Variants in ADIPOR2 observed in about 807,000 individuals in gnomAD.
ADIPOR2 encodes adiponectin receptor protein 2.
Under a neutral mutation model 40.9 loss-of-function variants are expected in ADIPOR2, and 18 were observed. The ratio of observed to expected loss-of-function variants is 0.44; its 90% CI spans 0.30 to 0.65. The LOEUF (loss-of-function observed/expected upper bound fraction) is 0.65. Among genes scored for constraint, ADIPOR2 ranks in the 30% least tolerant of loss-of-function variants. ADIPOR2 has a pLI of 0.09. For synonymous variants in ADIPOR2, 165 were observed against 166.4 expected (o/e 0.99, Z 0.06); for missense variants, 283 against 479.2 (o/e 0.59, Z 3.82).
chr12:1,691,657 T>C (rs1461315514), intron 1 of ADIPOR2, among the ~76,000 whole-genome samples: 1 of 152,196 alleles, frequency 6.6e-6, no homozygotes, highest in African/African-American at 2.4e-5. Context: ...TCACAGTGAC[T>C]GGGGTGGGGA....
intron 1 of ADIPOR2, among the ~76,000 whole-genome samples, chr12:1,735,287 G>A (rs532506849): frequency 1.3e-5 from 2 of 152,160 alleles, no homozygotes; most frequent in African/African-American, 4.8e-5. Context: ...GCGGTTTGTA[G>A]TTCTCCTTGA....
At chr12:1,727,371 T>C (rs563095450) in intron 1 of ADIPOR2, among the ~76,000 whole-genome samples, 1 of 152,370 alleles carries the variant, frequency 6.6e-6, no homozygotes, top group South Asian at 2.1e-4. Context: ...TGTGAGAACA[T>C]ACTTTTTAAA....
chr12:1,772,976 T>C lies in ADIPOR2; in HGVS notation c.291+15T>C, dbSNP rs150649750. 1.3e-5 allele frequency: 21 copies of C among 1,612,532 alleles called. No homozygotes were observed. Among genetic ancestry groups the C allele is most frequent in the Non-Finnish European group, 1.7e-5 (20 of 1,179,278 alleles). ...TTGTTTGTAAGGTAAGAGTGCAGTT[T>C]CTTGTCATTGTCATGCTATATATTT... On this transcript the variant is annotated intron_variant, in intron 3 of 7. Transcript: ENST00000357103.
intron 1 of ADIPOR2, among the ~76,000 whole-genome samples, chr12:1,730,351 C>T (rs915328057): frequency 5.3e-5 from 8 of 151,870 alleles, no homozygotes; most frequent in Non-Finnish European, 8.8e-5. Context: ...GGCGCGGTGG[C>T]TCACACCTGT....
chr12:1,712,200 G>A (rs2094678749), intron 1 of ADIPOR2, among the ~76,000 whole-genome samples: 1 of 152,102 alleles, frequency 6.6e-6, no homozygotes. Context: ...GCATAAGTCT[G>A]GACTATAATT....
chr12:1,736,499 T>C (rs2094731030), intron 1 of ADIPOR2, among the ~76,000 whole-genome samples: 1 of 152,238 alleles, frequency 6.6e-6, no homozygotes, highest in African/African-American at 2.4e-5. Flanking sequence ...GATTCTTCTC[T>C]CTTTTCTTCT....
At chr12:1,781,548 C>G (rs988609943) in intron 6 of ADIPOR2, among the ~76,000 whole-genome samples, 2 of 152,078 alleles carry the variant, frequency 1.3e-5, no homozygotes, top group African/African-American at 2.4e-5. Flanking sequence ...AAAGTGGGCA[C>G]CATATCTCCC....
chr12:1,752,463 A>G (rs899337383), intron 1 of ADIPOR2, among the ~76,000 whole-genome samples: 18 of 151,974 alleles, frequency 1.2e-4, no homozygotes, highest in Non-Finnish European at 2.6e-4. Context: ...CTTCAGCATC[A>G]AGATCCTGAC....
intron 2 of ADIPOR2, among the ~76,000 whole-genome samples, chr12:1,764,558 A>AACACACAC (rs59660682): frequency 1.2e-3 from 143 of 119,084 alleles, no homozygotes; most frequent in Middle Eastern, 0.012. Context: ...TAAAGTATTA[A>AACACACAC]ACACACACAC....
chr12:1,747,292 A>T (rs1386195134), intron 1 of ADIPOR2, among the ~76,000 whole-genome samples: 1 of 152,216 alleles, frequency 6.6e-6, no homozygotes, highest in African/African-American at 2.4e-5. Flanking sequence ...TGAAAGTGGA[A>T]ATATGAGAAT....
In ADIPOR2 at chr12:1,788,557, A is replaced by G. The variant is rs1267202657; in HGVS notation, c.*2485A>G. The G allele has an allele frequency of 1.3e-5, 2 of 152,598 alleles. No homozygotes were observed. The highest frequency in any genetic ancestry group is 2.9e-5 in the Non-Finnish European group (2 of 68,036). The allele number at this position is 152,598 out of a possible 1,614,324, so 9.5% of individuals were successfully genotyped here. A position where few individuals can be genotyped will look rare whatever the true frequency, so the allele number is the denominator to read the frequency against. On this transcript the variant is annotated 3_prime_UTR_variant, in exon 8 of 8. Coordinates refer to ENST00000357103, the MANE Select transcript of ADIPOR2 (RefSeq NM_024551.3). Reference sequence around the variant, plus strand: ...AAATTATGCTAAAGCCACAAAGCACATTTTTGGGGATCATAGAAGGTTGGG... The same window carrying G: ...AAATTATGCTAAAGCCACAAAGCACGTTTTTGGGGATCATAGAAGGTTGGG...
At chr12:1,777,779 C>A in intron 3 of ADIPOR2, 75 bp from the exon 4 acceptor site, 1 of 1,386,314 alleles carries the variant, frequency 7.2e-7, no homozygotes, top group Non-Finnish European at 9.9e-7. Context: ...TGTGATAAGA[C>A]ACAGTTGTTA....
intron 1 of ADIPOR2, among the ~76,000 whole-genome samples, chr12:1,745,493 G>T (rs1405357592): frequency 6.6e-6 from 1 of 152,140 alleles, no homozygotes; most frequent in Non-Finnish European, 1.5e-5. Flanking sequence ...TGTTGTTTGT[G>T]CTGTTAATCA....
chr12:1,720,568 C>T (rs946718042), intron 1 of ADIPOR2, among the ~76,000 whole-genome samples: 2 of 152,258 alleles, frequency 1.3e-5, no homozygotes, highest in South Asian at 2.1e-4. Flanking sequence ...TCATAAGGAG[C>T]GTGCAACCTA....
At chr12:1,760,870 C>T (rs1862252802) in intron 2 of ADIPOR2, 1 of 152,138 alleles carries the variant, frequency 6.6e-6, no homozygotes, top group Admixed American at 6.5e-5. Context: ...CCCTGTCCTG[C>T]CTTACCCAGG....
chr12:1,744,936 C>T (rs758918490), intron 1 of ADIPOR2, among the ~76,000 whole-genome samples: 7 of 152,146 alleles, frequency 4.6e-5, no homozygotes, highest in Non-Finnish European at 1.0e-4. Flanking sequence ...TCAGTATGTG[C>T]AGTCTTTTTT....
chr12:1,738,885 CAGG>C (rs994021853), intron 1 of ADIPOR2, among the ~76,000 whole-genome samples: 3 of 152,108 alleles, frequency 2.0e-5, no homozygotes, highest in South Asian at 2.1e-4. Flanking sequence ...TGAGAATTAA[CAGG>C]AGCATTAATA....
intron 1 of ADIPOR2, among the ~76,000 whole-genome samples, chr12:1,723,196 A>G (rs1042123352): frequency 5.3e-5 from 8 of 152,208 alleles, no homozygotes; most frequent in Admixed American, 1.3e-4. Context: ...TGTCAAAGCT[A>G]TCTATGGCAT....
intron 1 of ADIPOR2, among the ~76,000 whole-genome samples, chr12:1,731,593 G>C (rs1322725648): frequency 6.6e-6 from 1 of 152,110 alleles, no homozygotes; most frequent in Admixed American, 6.5e-5. Flanking sequence ...CATATAAATG[G>C]AATCATATAG....
Sources: allele counts gnomAD v4.1 joint callset (sites outside exome capture counted in the v4.1 genomes callset), GRCh38; gene constraint gnomAD v4.1.1; transcripts MANE v1.5; gene names NCBI Gene and HGNC (gene_info 2026-07-23, HGNC 2026-07-21).